Variants in RASSF8 observed in about 807,000 individuals in gnomAD.
The protein encoded by RASSF8 is Ras association domain family member 8, also known as ras association domain-containing protein 8.
RASSF8 carries 22 observed loss-of-function variants against 48.5 expected under a neutral mutation model. That is an observed-to-expected ratio of 0.45 (90% CI 0.32 to 0.65). The LOEUF (loss-of-function observed/expected upper bound fraction) is 0.65. RASSF8 is among the 30% of genes least tolerant of loss of function. The pLI is 0.03. For missense variants in RASSF8, 418 were observed against 489.2 expected (o/e 0.85, Z 1.37); for synonymous variants, 127 against 171.5 (o/e 0.74, Z 2.03).
intron 2 of RASSF8, among the ~76,000 whole-genome samples, chr12:26,010,369 C>T (rs1468631830): frequency 6.6e-6 from 1 of 152,118 alleles, no homozygotes; most frequent in Non-Finnish European, 1.5e-5. Context: ...ACCAAGATGG[C>T]ACAGAGCCTG....
chr12:26,042,283 CT>C (rs1337480431), intron 2 of RASSF8, among the ~76,000 whole-genome samples: 14 of 152,124 alleles, frequency 9.2e-5, no homozygotes, highest in Admixed American at 8.5e-4. Flanking sequence ...CTATTCAGGC[CT>C]ATCTATGGGT....
Position 26,055,217 on chromosome 12 carries a change from A to G in RASSF8, c.-108-19A>G. 1 of 703,878 alleles carries G rather than the reference A, an allele frequency of 1.4e-6. No homozygotes were observed. Among genetic ancestry groups the G allele is most frequent in the Non-Finnish European group, 2.6e-6 (1 of 389,980 alleles). The allele number at this position is 703,878 out of a possible 1,614,324, so 43.6% of individuals were successfully genotyped here. A position where few individuals can be genotyped will look rare whatever the true frequency, so the allele number is the denominator to read the frequency against. ...ATGTTGATTCATTTTATTACAAGTGATTTTTTGCCCTTTTTTAGCTGACTA... is the reference window on the plus strand; with the variant it reads ...ATGTTGATTCATTTTATTACAAGTGGTTTTTTGCCCTTTTTTAGCTGACTA... On this transcript the variant is annotated intron_variant, in intron 2 of 5. Coordinates refer to ENST00000689635, the MANE Select transcript of RASSF8 (RefSeq NM_001394098.1).
At chr12:26,079,077 T>A in exon 6 of RASSF8, 1 of 1,542,848 alleles carries the variant, frequency 6.5e-7, no homozygotes, top group Non-Finnish European at 8.8e-7. Flanking sequence ...AGATTAGATA[T>A]CACACCAAAA....
intron 2 of RASSF8, among the ~76,000 whole-genome samples, chr12:26,024,678 C>T (rs752880900): frequency 2.6e-5 from 4 of 152,134 alleles, no homozygotes; most frequent in African/African-American, 7.2e-5. Flanking sequence ...CAATTTAGGC[C>T]GGGCGCTGTG....
rs1420750700 is a variant in RASSF8, at chr12:26,071,741, A to G, written c.*2923A>G. The G allele has an allele frequency of 3.0e-6, 3 of 983,882 alleles. No homozygotes were observed. Among genetic ancestry groups the G allele is most frequent in the Non-Finnish European group, 3.6e-6 (3 of 828,504 alleles). 60.9% of individuals were successfully genotyped at this position (983,882 alleles called of 1,614,324 possible). A position where few individuals can be genotyped will look rare whatever the true frequency, so the allele number is the denominator to read the frequency against. On this transcript the variant is annotated 3_prime_UTR_variant, in exon 6 of 6. Transcript: ENST00000689635. ...CCAGTCATCAATGAGGTAATCATCA[A>G]TTCCTATAGTTCAAATTAGTCATAA...
At position 26,065,108 on chromosome 12, in the gene RASSF8, A is replaced by C. The variant is rs1425535488; in HGVS notation, c.714A>C (p.Lys238Asn). 6.2e-7 allele frequency: 1 copy of C among 1,613,922 alleles called. No individual in the cohort carries two copies. Among genetic ancestry groups the C allele is most frequent in the African/African-American group, 1.3e-5 (1 of 74,922 alleles). ...NELQIEQENEKQLKDQLQEIR... is the reference protein window; with the variant it reads ...NELQIEQENENQLKDQLQEIR... ...TACAGATTGAACAGGAAAATGAAAA[A>C]CAGCTGAAGGATCAACTTCAAGAAA... is the stretch of plus-strand genomic sequence containing the variant. The change falls in exon 4 of 6, where the codon AAA (lysine) becomes AAC (asparagine). Residue 238 changes from lysine (K) to asparagine (N), a missense_variant. Lys to Asn is a moderately conservative substitution (Grantham distance 94). Coordinates refer to ENST00000689635, the MANE Select transcript of RASSF8 (RefSeq NM_001394098.1).
intron 1 of RASSF8, among the ~76,000 whole-genome samples, chr12:25,978,134 A>G (rs950027795): frequency 6.6e-6 from 1 of 152,248 alleles, no homozygotes; most frequent in African/African-American, 2.4e-5. Context: ...GGAAACAAAG[A>G]TGAACTCTTC....
intron 2 of RASSF8, among the ~76,000 whole-genome samples, chr12:26,020,732 A>C (rs946759602): frequency 1.4e-4 from 21 of 152,196 alleles, no homozygotes; most frequent in African/African-American, 4.8e-4. Flanking sequence ...TTGTGAACCA[A>C]ATTTTAAGTA....
Position 26,079,004 on chromosome 12 carries a change from T to C in RASSF8, c.1139-29T>C, listed in dbSNP as rs1944094899. On this transcript the variant is annotated intron_variant, in intron 5 of 5. Coordinates refer to the RASSF8 transcript ENST00000381352. ...ATTCACCAACCTTAACTCTTTTTTG[T>C]TGTTGTGTGTTTCTTCTGTTTTATC... The C allele has an allele frequency of 2.6e-6, 4 of 1,532,490 alleles. No homozygotes were observed. In the Admixed American group the frequency reaches 8.3e-5, roughly 32 times the overall value. The allele number at this position is 1,532,490 out of a possible 1,614,324, so 94.9% of individuals were successfully genotyped here. A position where few individuals can be genotyped will look rare whatever the true frequency, so the allele number is the denominator to read the frequency against.
Position 26,072,067 on chromosome 12 carries a change from G to T in RASSF8, c.*3249G>T. On this transcript the variant is annotated 3_prime_UTR_variant, in exon 6 of 6. Coordinates refer to ENST00000689635, the MANE Select transcript of RASSF8 (RefSeq NM_001394098.1). The stretch of plus-strand genomic sequence containing the variant: ...GAAAAGACAAAAACTTTTGATTTCA[G>T]GCATGCAAAGTGCTTGGGCAGATGG... 2 of 985,374 alleles carry T rather than the reference G, an allele frequency of 2.0e-6. No homozygotes were observed. Among genetic ancestry groups the T allele is most frequent in the Non-Finnish European group, 2.4e-6 (2 of 829,882 alleles). The allele number at this position is 985,374 out of a possible 1,614,324, so 61.0% of individuals were successfully genotyped here. A position where few individuals can be genotyped will look rare whatever the true frequency, so the allele number is the denominator to read the frequency against.
At chr12:25,996,085 C>A (rs1163858751) in intron 2 of RASSF8, among the ~76,000 whole-genome samples, 1 of 152,214 alleles carries the variant, frequency 6.6e-6, no homozygotes, top group African/African-American at 2.4e-5. Context: ...TTCAGTTGCC[C>A]TTTTGTAGAC....
At chr12:26,079,308 G>A (rs1944097550) in exon 6 of RASSF8, 3 of 343,962 alleles carry the variant, frequency 8.7e-6, no homozygotes, top group South Asian at 1.0e-4. Context: ...AAAGGGGCTG[G>A]GCATGGTGGC....
intron 3 of RASSF8, among the ~76,000 whole-genome samples, chr12:26,055,968 T>G (rs772133916): frequency 1.3e-5 from 2 of 152,126 alleles, no homozygotes; most frequent in Non-Finnish European, 2.9e-5. Context: ...GGCAGATCAC[T>G]TGAGGTCAGG....
At chr12:26,030,391 T>C (rs1943004272) in intron 2 of RASSF8, among the ~76,000 whole-genome samples, 1 of 152,208 alleles carries the variant, frequency 6.6e-6, no homozygotes, top group Admixed American at 6.5e-5. Context: ...ATTCATTCCA[T>C]GTAATTGTGC....
intron 1 of RASSF8, among the ~76,000 whole-genome samples, chr12:25,981,894 A>G (rs1049300916): frequency 6.6e-6 from 1 of 152,180 alleles, no homozygotes; most frequent in African/African-American, 2.4e-5. Flanking sequence ...GTCTATATCA[A>G]ATTTAATTTG....
intron 2 of RASSF8, among the ~76,000 whole-genome samples, chr12:26,006,182 C>T (rs1433103997): frequency 2.0e-5 from 3 of 152,224 alleles, no homozygotes; most frequent in Admixed American, 6.5e-5. Context: ...TCATCCTTAT[C>T]TCTATCCTTT....
intron 1 of RASSF8, among the ~76,000 whole-genome samples, chr12:25,965,598 C>T (rs537552324): frequency 4.3e-4 from 66 of 152,136 alleles, no homozygotes; most frequent in East Asian, 3.3e-3. Context: ...TCAAATGATC[C>T]GCCCACCTTA....
rs7963712 is a variant in RASSF8 at position 26,008,322 on chromosome 12, G to A, written c.-109+13192G>A. 5.4e-3 allele frequency among the ~76,000 whole-genome samples: 820 copies of A among 152,216 alleles called. 8 individuals are homozygous for A. The highest frequency in any genetic ancestry group is 0.019 in the African/African-American group (783 of 41,538). Reference sequence around the variant, plus strand: ...TAGATATAGATAGATAATATTAGAAGCTATACTGTTTCCAGCCAGTTGATG... The same window carrying A: ...TAGATATAGATAGATAATATTAGAAACTATACTGTTTCCAGCCAGTTGATG... On this transcript the variant is annotated intron_variant, in intron 2 of 5. Transcript: ENST00000689635.
In RASSF8 at chr12:26,069,045, T is replaced by G; in HGVS notation, c.*227T>G. On this transcript the variant is annotated 3_prime_UTR_variant, in exon 6 of 6. Coordinates refer to ENST00000689635, the MANE Select transcript of RASSF8 (RefSeq NM_001394098.1). Reference sequence around the variant, plus strand: ...TGTTGATATTTTTGTCCAGCAGCTATAATGCAAAGCCTTCGTTTTTATTTG... The same window carrying G: ...TGTTGATATTTTTGTCCAGCAGCTAGAATGCAAAGCCTTCGTTTTTATTTG... The G allele has an allele frequency of 1.7e-6, 2 of 1,212,024 alleles. No individual in the cohort carries two copies. Among genetic ancestry groups the G allele is most frequent in the Non-Finnish European group, 2.1e-6 (2 of 970,138 alleles). 75.1% of individuals were successfully genotyped at this position (1,212,024 alleles called of 1,614,324 possible).
Sources: allele counts gnomAD v4.1 joint callset (sites outside exome capture counted in the v4.1 genomes callset), GRCh38; gene constraint gnomAD v4.1.1; transcripts MANE v1.5; gene names NCBI Gene and HGNC (gene_info 2026-07-23, HGNC 2026-07-21).